RGS5: variants seen among roughly 807,000 people sequenced by gnomAD.
The protein encoded by RGS5 is regulator of G-protein signalling 5.
RGS5 carries 20 observed loss-of-function variants against 18.9 expected under a neutral mutation model. The ratio of observed to expected loss-of-function variants is 1.06; its 90% confidence interval spans 0.74 to 1.54. The LOEUF is 1.54. Ranked by LOEUF, RGS5 falls within the 40% of genes most tolerant of loss-of-function variation. The pLI is 0.00. For missense variants in RGS5, 201 were observed against 211.8 expected, an observed-to-expected ratio of 0.95 and a Z score of 0.32; for synonymous variants, 57 against 76.2, an observed-to-expected ratio of 0.75 and a Z score of 1.31.
At position 163,152,695 on chromosome 1, in the gene RGS5, C is replaced by T. The variant is rs1557880075; in HGVS notation, c.239G>A (p.Ser80Asn). 1.9e-6 allele frequency: 3 copies of T among 1,595,092 alleles called. No individual in the cohort carries two copies. The highest frequency in any genetic ancestry group is 1.8e-5 in the Admixed American group (1 of 56,256). Residue 80 changes from serine to asparagine, a missense_variant, in exon 4 of 5, where the codon AGT (serine) becomes AAT (asparagine). Ser to Asn is a conservative substitution (Grantham distance 46). Coordinates refer to ENST00000313961, the MANE Select transcript of RGS5 (RefSeq NM_003617.4). ...CTCACTGAATTCAGACTTCAGGAAA[C>T]TTTTGAAACTGGCAAGTCCATCTGG... Reference protein sequence around the residue: ...QNNYGLASFKSFLKSEFSEEN... With the variant: ...QNNYGLASFKNFLKSEFSEEN...
intron 1 of RGS5, among the ~76,000 whole-genome samples, chr1:163,310,938 G>A (rs933985161): frequency 1.3e-5 from 2 of 152,150 alleles, no homozygotes; most frequent in Admixed American, 6.6e-5. Context: ...CGAGCAAAGG[G>A]GGAAGAGCCC....
At chr1:163,273,892 T>C (rs1648784528) in intron 2 of RGS5, among the ~76,000 whole-genome samples, 1 of 152,192 alleles carries the variant, frequency 6.6e-6, no homozygotes, top group Non-Finnish European at 1.5e-5. Flanking sequence ...TTCTCTGGAA[T>C]GTATGGTTGA....
intron 1 of RGS5, among the ~76,000 whole-genome samples, chr1:163,173,395 T>C (rs1020700055): frequency 2.6e-5 from 4 of 152,216 alleles, no homozygotes; most frequent in African/African-American, 9.6e-5. Flanking sequence ...TGAATAATTC[T>C]GGGGCTTTGC....
chr1:163,152,957 T>C (rs1181551056), intron 3 of RGS5, among the ~76,000 whole-genome samples: 2 of 105,310 alleles, frequency 1.9e-5, no homozygotes, highest in African/African-American at 2.6e-5. Flanking sequence ...TATGGAACTC[T>C]AGAACTAGAC....
intron 2 of RGS5, among the ~76,000 whole-genome samples, chr1:163,230,800 G>C (rs1055050467): frequency 1.3e-5 from 2 of 152,102 alleles, no homozygotes; most frequent in African/African-American, 4.8e-5. Context: ...AGTTAGAATA[G>C]GGTCCTCTTA....
In RGS5 at chr1:163,257,393, G is replaced by T. The variant is rs912101443; in HGVS notation, c.-281+48840C>A. 2.6e-5 allele frequency among the ~76,000 whole-genome samples: 4 copies of T among 151,888 alleles called. 1 individual carries two copies. The highest frequency in any genetic ancestry group is 1.5e-5 in the Non-Finnish European group (1 of 67,966). On this transcript the variant is annotated intron_variant, in intron 2 of 5. Transcript: ENST00000618415. ...GACGATTTTTAAGGGTCTCATTTGG[G>T]GATCTAACATCACCAGTTTTGTTCT...
chr1:163,308,770 A>C (rs1456938799), intron 1 of RGS5: 1 of 152,246 alleles, frequency 6.6e-6, no homozygotes, highest in Non-Finnish European at 1.5e-5. Flanking sequence ...GTACAGGCAT[A>C]CCTCAGAGAT....
intron 2 of RGS5, among the ~76,000 whole-genome samples, chr1:163,276,311 C>G (rs1291711290): frequency 6.6e-6 from 1 of 152,050 alleles, no homozygotes; most frequent in Non-Finnish European, 1.5e-5. Context: ...ACATTTTAAT[C>G]CATCCCAACC....
intron 1 of RGS5, among the ~76,000 whole-genome samples, chr1:163,178,134 C>T (rs904751786): frequency 1.1e-4 from 16 of 151,972 alleles, no homozygotes; most frequent in African/African-American, 3.1e-4. Context: ...GAACACTCCC[C>T]GCCGTCTCTT....
chr1:163,201,885 C>A (rs1387038780), intron 1 of RGS5, among the ~76,000 whole-genome samples: 3 of 152,074 alleles, frequency 2.0e-5, no homozygotes, highest in Non-Finnish European at 4.4e-5. Flanking sequence ...GGATCAAACC[C>A]AATTTAATCA....
At chr1:163,198,172 AC>A (rs1178041674) in intron 1 of RGS5, among the ~76,000 whole-genome samples, 1 of 152,172 alleles carries the variant, frequency 6.6e-6, no homozygotes, top group African/African-American at 2.4e-5. Context: ...ATTTTTAAAA[AC>A]AAAAATTTAA....
rs144354653 is a variant in RGS5, at chr1:163,294,626, C to G, written c.-281+11607G>C. 8.7e-4 allele frequency among the ~76,000 whole-genome samples: 132 copies of G among 152,330 alleles called. 4 individuals carry two copies. The East Asian group carries it at 0.023, about 27-fold the overall frequency. Reference sequence around the variant, plus strand: ...ATTTGTCTTGGCTATTAACATTTGGCTCCTGATTACTTATGCAAATTTCTG... The same window carrying G: ...ATTTGTCTTGGCTATTAACATTTGGGTCCTGATTACTTATGCAAATTTCTG... On this transcript the variant is annotated intron_variant, in intron 2 of 5. Coordinates refer to the RGS5 transcript ENST00000618415.
intron 2 of RGS5, among the ~76,000 whole-genome samples, chr1:163,279,425 G>C (rs1164988902): frequency 6.6e-6 from 1 of 151,858 alleles, no homozygotes; most frequent in African/African-American, 2.4e-5. Context: ...AACAACAATT[G>C]AGTCAATTAA....
At chr1:163,242,469 A>G (rs1482516863) in intron 2 of RGS5, among the ~76,000 whole-genome samples, 2 of 152,248 alleles carry the variant, frequency 1.3e-5, no homozygotes, top group African/African-American at 4.8e-5. Context: ...AGAAGCATAC[A>G]CAAATGAGTA....
chr1:163,217,170 A>G (rs1341504386), intron 1 of RGS5, among the ~76,000 whole-genome samples: 1 of 152,176 alleles, frequency 6.6e-6, no homozygotes, highest in African/African-American at 2.4e-5. Context: ...TTATTTGTAC[A>G]ACAAACCTCC....
At chr1:163,181,962 T>G (rs919556925) in intron 1 of RGS5, among the ~76,000 whole-genome samples, 2 of 152,098 alleles carry the variant, frequency 1.3e-5, no homozygotes, top group Non-Finnish European at 2.9e-5. Flanking sequence ...TAATAGAATT[T>G]CTAACTCATA....
intron 2 of RGS5, among the ~76,000 whole-genome samples, chr1:163,279,573 A>G (rs922949639): frequency 6.6e-6 from 1 of 152,078 alleles, no homozygotes; most frequent in African/African-American, 2.4e-5. Flanking sequence ...AAAAAAACTG[A>G]AAGATTTCAA....
chr1:163,224,129 C>A (rs1483362152), intron 2 of RGS5, among the ~76,000 whole-genome samples: 1 of 152,068 alleles, frequency 6.6e-6, no homozygotes, highest in African/African-American at 2.4e-5. Flanking sequence ...ACTATAGTCA[C>A]CCTACTGTGC....
chr1:163,310,732 T>C (rs1017104162), intron 1 of RGS5, among the ~76,000 whole-genome samples: 2 of 152,138 alleles, frequency 1.3e-5, no homozygotes, highest in Non-Finnish European at 2.9e-5. Context: ...ACTTGCTGCT[T>C]CACTCTACAC....
Sources: allele counts gnomAD v4.1 joint callset (sites outside exome capture counted in the v4.1 genomes callset), GRCh38; gene constraint gnomAD v4.1.1; transcripts MANE v1.5; gene names NCBI Gene and HGNC (gene_info 2026-07-23, HGNC 2026-07-21).